The following SNTG2 variants were observed in gnomAD, a reference collection of about 807,000 sequenced individuals.
SNTG2 encodes the protein syntrophin gamma 2.
A neutral mutation model predicts 70.9 loss-of-function variants in SNTG2; 74 were observed. The ratio of observed to expected loss-of-function variants is 1.04; its 90% CI spans 0.86 to 1.27. The LOEUF (loss-of-function observed/expected upper bound fraction) is 1.27. SNTG2 is among the 50% of genes most tolerant of loss of function. The probability of loss-of-function intolerance (pLI) is 0.00; values close to 1 mark genes in which losing one functional copy is unlikely to be tolerated. For missense variants in SNTG2, 717 were observed against 690.7 expected (o/e 1.04, Z -0.43); for synonymous variants, 278 against 273.8 (o/e 1.02, Z -0.15).
At chr2:1,306,685 A>AGTGT (rs34835668) in intron 14 of SNTG2, among the ~76,000 whole-genome samples, 5,320 of 149,002 alleles carry the variant, frequency 0.036, 230 homozygotes, top group African/African-American at 0.1. Context: ...CCAGGGTGTG[A>AGTGT]GTGTGTGTGT....
chr2:1,326,617 G>T (rs1681773155), intron 16 of SNTG2, among the ~76,000 whole-genome samples: 1 of 151,664 alleles, frequency 6.6e-6, no homozygotes, highest in Admixed American at 6.6e-5. Flanking sequence ...CACCCTTTTT[G>T]CAATCTACTC....
intron 8 of SNTG2, among the ~76,000 whole-genome samples, chr2:1,182,964 A>T (rs1006841332): frequency 6.6e-6 from 1 of 152,164 alleles, no homozygotes; most frequent in African/African-American, 2.4e-5. Flanking sequence ...CATGTTGCCC[A>T]GGCTGGTCTT....
chr2:1,219,842 A>T (rs556859958), intron 9 of SNTG2: 3 of 152,254 alleles, frequency 2.0e-5, no homozygotes, highest in South Asian at 2.1e-4. Context: ...CAATGAAATT[A>T]TGTTTTGTGA....
chr2:1,186,593 A>T (rs769453198), intron 8 of SNTG2, among the ~76,000 whole-genome samples: 4 of 152,260 alleles, frequency 2.6e-5, no homozygotes, highest in Admixed American at 6.5e-5. Flanking sequence ...TGGAAGCCAA[A>T]GGGGAAGCAG....
chr2:1,351,559 GCA>G (rs769359605), intron 16 of SNTG2, among the ~76,000 whole-genome samples: 37 of 152,082 alleles, frequency 2.4e-4, no homozygotes, highest in Non-Finnish European at 5.0e-4. Flanking sequence ...AAGAAAGAGG[GCA>G]CTTGACCCAA....
At chr2:1,275,544 A>C (rs1485654020) in intron 14 of SNTG2, among the ~76,000 whole-genome samples, 1 of 152,202 alleles carries the variant, frequency 6.6e-6, no homozygotes, top group Non-Finnish European at 1.5e-5. Context: ...AACATGACAA[A>C]CTTAATCAGT....
chr2:1,071,247 A>T (rs887168144), intron 1 of SNTG2, among the ~76,000 whole-genome samples: 1 of 151,510 alleles, frequency 6.6e-6, no homozygotes, highest in African/African-American at 2.4e-5. Context: ...ACTTGGAACC[A>T]ACCCAAATGT....
At position 1,280,532 on chromosome 2, in the gene SNTG2, C is replaced by A. The variant is rs564826049; in HGVS notation, c.1284+12961C>A. Among the ~76,000 whole-genome samples the A allele has an allele frequency of 1.2e-3, 186 of 152,322 alleles. 3 individuals carry two copies. The highest frequency in any genetic ancestry group is 4.4e-3 in the African/African-American group (184 of 41,574). On this transcript the variant is annotated intron_variant, in intron 14 of 16. Transcript: ENST00000308624. ...TGGCCTTGGGGGGACCCACTTGATT[C>A]CTTTTGAGCTTCTCCAGCTCCTCTC... is the stretch of plus-strand genomic sequence containing the variant.
intron 4 of SNTG2, among the ~76,000 whole-genome samples, chr2:1,099,614 C>A (rs13021108): frequency 0.043 from 560 of 13,078 alleles, 5 homozygotes; most frequent in South Asian, 0.16. Context: ...TGGTCAGGTC[C>A]TCTGAAGGTG....
At chr2:1,348,414 A>G (rs1393161551) in intron 16 of SNTG2, among the ~76,000 whole-genome samples, 2 of 152,196 alleles carry the variant, frequency 1.3e-5, no homozygotes, top group African/African-American at 2.4e-5. Flanking sequence ...TTTACAACCT[A>G]TTCTCTAAAG....
At chr2:1,181,004 G>A (rs1014887904) in intron 8 of SNTG2, among the ~76,000 whole-genome samples, 2 of 152,112 alleles carry the variant, frequency 1.3e-5, no homozygotes, top group African/African-American at 2.4e-5. Flanking sequence ...ACTCATAGGT[G>A]GGAATTGAAC....
chr2:1,099,243 G>A (rs1572426697), intron 4 of SNTG2, among the ~76,000 whole-genome samples: 1 of 152,134 alleles, frequency 6.6e-6, no homozygotes, highest in African/African-American at 2.4e-5. Flanking sequence ...GGGGGGTGGG[G>A]CGGTTAGCTT....
intron 16 of SNTG2, among the ~76,000 whole-genome samples, chr2:1,335,638 C>T (rs893799474): frequency 2.0e-5 from 3 of 152,028 alleles, no homozygotes; most frequent in Non-Finnish European, 2.9e-5. Context: ...GAGTGAATTC[C>T]GTTTTCCAAG....
At chr2:1,279,044 G>A (rs1307526141) in intron 14 of SNTG2, among the ~76,000 whole-genome samples, 1 of 120,858 alleles carries the variant, frequency 8.3e-6, no homozygotes, top group Non-Finnish European at 1.7e-5. Context: ...CCCCCTGTCA[G>A]TGCGCGATTC....
intron 1 of SNTG2, 119 bp downstream of exon 1, chr2:951,187 C>T (rs937026835): frequency 2.1e-6 from 1 of 471,074 alleles, no homozygotes. Context: ...CCTTCCCTGT[C>T]TCCGGGGACG....
At chr2:1,038,874 A>G (rs1661276890) in intron 1 of SNTG2, among the ~76,000 whole-genome samples, 2 of 152,216 alleles carry the variant, frequency 1.3e-5, no homozygotes. Flanking sequence ...ATTTAGATCC[A>G]CTGCCTGTTT....
chr2:1,217,127 T>A (rs527272596), intron 9 of SNTG2, among the ~76,000 whole-genome samples: 310 of 149,422 alleles, frequency 2.1e-3, no homozygotes, highest in African/African-American at 6.7e-3. Context: ...GTTCTTTTTT[T>A]AAAAAAAAAA....
chr2:1,249,325 T>C (rs766419687), intron 12 of SNTG2, among the ~76,000 whole-genome samples: 3 of 152,234 alleles, frequency 2.0e-5, no homozygotes, highest in Non-Finnish European at 2.9e-5. Flanking sequence ...GCTTTTTTTT[T>C]CTCATTTGAG....
intron 9 of SNTG2, among the ~76,000 whole-genome samples, chr2:1,231,892 C>T (rs572620523): frequency 1.3e-5 from 2 of 152,334 alleles, no homozygotes; most frequent in Admixed American, 6.5e-5. Context: ...TGAACAAATG[C>T]AGGACGCCCT....
Sources: allele counts gnomAD v4.1 joint callset (sites outside exome capture counted in the v4.1 genomes callset), GRCh38; gene constraint gnomAD v4.1.1; transcripts MANE v1.5; gene names NCBI Gene and HGNC (gene_info 2026-07-23, HGNC 2026-07-21).